The following PIWIL1 variants were observed in gnomAD, a reference collection of about 807,000 sequenced individuals.
The protein encoded by PIWIL1 is piwi-like protein 1.
A neutral mutation model predicts 114.4 loss-of-function variants in PIWIL1; 73 were observed. The ratio of observed to expected loss-of-function variants is 0.64; its 90% CI spans 0.53 to 0.78. PIWIL1 has a LOEUF of 0.78. Among genes scored for constraint, PIWIL1 ranks in the 30% least tolerant of loss-of-function variants. The pLI, the probability that PIWIL1 is intolerant of heterozygous loss-of-function variation, is 0.00. For missense variants in PIWIL1, 723 were observed against 1,063.1 expected (o/e 0.68, Z 4.45); for synonymous variants, 375 against 369.0 (o/e 1.02, Z -0.19).
At chr12:130,368,384 T>C (rs542860986) in intron 19 of PIWIL1, among the ~76,000 whole-genome samples, 1 of 152,176 alleles carries the variant, frequency 6.6e-6, no homozygotes, top group Non-Finnish European at 1.5e-5. Flanking sequence ...ATAGCGACTT[T>C]AGGTGGAAAA....
the PIWIL1 span, chr12:130,406,295 G>A: frequency 7.9e-7 from 1 of 1,260,472 alleles, no homozygotes; most frequent in Non-Finnish European, 1.1e-6. Flanking sequence ...AACAGTAGTA[G>A]TTTTTTAAAA....
intron 18 of PIWIL1, among the ~76,000 whole-genome samples, chr12:130,365,347 T>C (rs1277155717): frequency 6.6e-6 from 1 of 152,214 alleles, no homozygotes; most frequent in African/African-American, 2.4e-5. Flanking sequence ...AACTGAGGCA[T>C]TGCAAGGCGT....
At chr12:130,414,282 G>A in the PIWIL1 span, 1 of 1,603,616 alleles carries the variant, frequency 6.2e-7, no homozygotes, top group South Asian at 1.1e-5. Flanking sequence ...GAAGTCTGGA[G>A]AAAGGCGGTC....
intron 12 of PIWIL1, 46 bp from the exon 13 acceptor site, chr12:130,356,872 T>G: frequency 7.1e-7 from 1 of 1,406,162 alleles, no homozygotes; most frequent in Non-Finnish European, 9.8e-7. Context: ...GCTTGATCAC[T>G]GAGAACTTAC....
the PIWIL1 span, among the ~76,000 whole-genome samples, chr12:130,394,044 A>G: frequency 6.6e-6 from 1 of 152,206 alleles, no homozygotes; most frequent in South Asian, 2.1e-4. Flanking sequence ...AAGGTAGAGA[A>G]GGCCCCTACC....
At chr12:130,362,273 T>C (rs1206332162) in intron 16 of PIWIL1, among the ~76,000 whole-genome samples, 1 of 152,202 alleles carries the variant, frequency 6.6e-6, no homozygotes, top group Non-Finnish European at 1.5e-5. Context: ...CTTCTTTGCG[T>C]CCATGAGTTC....
At chr12:130,394,989 G>A in the PIWIL1 span, among the ~76,000 whole-genome samples, 1 of 152,132 alleles carries the variant, frequency 6.6e-6, no homozygotes, top group Non-Finnish European at 1.5e-5. Context: ...ATTCTGAATC[G>A]AAAGAATCAC....
Position 130,354,931 on chromosome 12 carries a change from C to T in PIWIL1, c.1215C>T (p.Asp405=). 6.2e-7 allele frequency: 1 copy of T among 1,613,936 alleles called. No individual in the cohort carries two copies. The highest frequency in any genetic ancestry group is 1.1e-5 in the South Asian group (1 of 91,070). The change falls in exon 11 of 21, where the codon GAC becomes GAT. Residue 405 remains aspartate, a synonymous_variant. Transcript: ENST00000245255. ...KMRNDFNVMK[D]LAVHTRLTPE... ...GTAATGATTTTAACGTGATGAAAGACTTAGCCGTTCATACAAGACTAACTC... is the reference window on the plus strand; with the variant it reads ...GTAATGATTTTAACGTGATGAAAGATTTAGCCGTTCATACAAGACTAACTC...
chr12:130,371,027 G>A, intron 19 of PIWIL1, 149 bp from the exon 20 acceptor site: 1 of 668,894 alleles, frequency 1.5e-6, no homozygotes, highest in Non-Finnish European at 2.6e-6. Flanking sequence ...CAGGCTCCTG[G>A]ACTTCAAGGA....
At chr12:130,370,509 A>T (rs2073789522) in intron 19 of PIWIL1, among the ~76,000 whole-genome samples, 1 of 152,226 alleles carries the variant, frequency 6.6e-6, no homozygotes, top group African/African-American at 2.4e-5. Flanking sequence ...TAGAAAGACA[A>T]CATCATTTTA....
the PIWIL1 span, among the ~76,000 whole-genome samples, chr12:130,418,970 G>A: frequency 6.6e-6 from 1 of 152,196 alleles, no homozygotes; most frequent in African/African-American, 2.4e-5. Flanking sequence ...GTTTTGGGGG[G>A]AAGACAGGTG....
the PIWIL1 span, chr12:130,406,127 A>T: frequency 1.6e-6 from 2 of 1,239,384 alleles, no homozygotes; most frequent in Non-Finnish European, 1.2e-6. Context: ...AAATAAATGA[A>T]AATACAAAAA....
chr12:130,385,887 T>C, the PIWIL1 span, among the ~76,000 whole-genome samples: 1 of 152,208 alleles, frequency 6.6e-6, no homozygotes, highest in Non-Finnish European at 1.5e-5. Flanking sequence ...ATGCTCTTTT[T>C]ACCAGGTGAC....
chr12:130,388,166 TG>T, the PIWIL1 span, among the ~76,000 whole-genome samples: 7 of 152,282 alleles, frequency 4.6e-5, no homozygotes, highest in South Asian at 6.2e-4. Flanking sequence ...CAGGCTGAAC[TG>T]CAATGGCACA....
Position 130,372,082 on chromosome 12 carries a change from C to T in PIWIL1, c.*484C>T, listed in dbSNP as rs2073828676. 6.6e-6 allele frequency: 1 copy of T among 152,604 alleles called. No individual in the cohort carries two copies. The highest frequency in any genetic ancestry group is 6.5e-5 in the Admixed American group (1 of 15,298). 9.5% of individuals were successfully genotyped at this position (152,604 alleles called of 1,614,324 possible). A position where few individuals can be genotyped will look rare whatever the true frequency, so the allele number is the denominator to read the frequency against. On this transcript the variant is annotated 3_prime_UTR_variant, in exon 21 of 21. Transcript: ENST00000245255. ...GCTCATATCTTAAAGATAAAAGGTACTATTATATAACCTATACACAAGATA... is the reference window on the plus strand; with the variant it reads ...GCTCATATCTTAAAGATAAAAGGTATTATTATATAACCTATACACAAGATA...
At chr12:130,380,989 G>A in the PIWIL1 span, among the ~76,000 whole-genome samples, 1 of 152,104 alleles carries the variant, frequency 6.6e-6, no homozygotes, top group Non-Finnish European at 1.5e-5. Flanking sequence ...GTTAAATTGA[G>A]TAGAAGGTAG....
At chr12:130,392,077 G>A in the PIWIL1 span, among the ~76,000 whole-genome samples, 5,033 of 86,772 alleles carry the variant, frequency 0.058, 166 homozygotes, top group Middle Eastern at 0.11. Context: ...CCGTCATCAC[G>A]TGGATGCATC....
rs192810910 is a variant in PIWIL1, at chr12:130,348,374, C to G, written c.734+191C>G. Among the ~76,000 whole-genome samples the G allele has an allele frequency of 2.4e-3, 365 of 152,308 alleles. 3 individuals carry two copies. Among genetic ancestry groups the G allele is most frequent in the African/African-American group, 8.3e-3 (347 of 41,566 alleles). The stretch of plus-strand genomic sequence containing the variant: ...GATTTTTAAAAAATCACGTAATTTA[C>G]CTGTCACTAGGGAAGAATACATAGT... On this transcript the variant is annotated intron_variant, in intron 7 of 20. Coordinates refer to ENST00000245255, the MANE Select transcript of PIWIL1 (RefSeq NM_004764.5).
At position 130,372,267 on chromosome 12, in the gene PIWIL1, G is replaced by A. The variant is rs1022363769; in HGVS notation, c.*669G>A. Reference sequence around the variant, plus strand: ...CTATATTAACATTACTATTTATTTTGTTTTGGAACTGGGACATGATTCTAT... The same window carrying A: ...CTATATTAACATTACTATTTATTTTATTTTGGAACTGGGACATGATTCTAT... On this transcript the variant is annotated 3_prime_UTR_variant, in exon 21 of 21. Transcript: ENST00000245255. 7 of 152,032 alleles carry A rather than the reference G, an allele frequency of 4.6e-5. No individual in the cohort carries two copies. The highest frequency in any genetic ancestry group is 7.4e-5 in the Non-Finnish European group (5 of 67,968). 9.4% of individuals were successfully genotyped at this position (152,032 alleles called of 1,614,324 possible).
Sources: gnomAD v4.1 joint callset for allele counts (sites outside exome capture counted in the v4.1 genomes callset) on GRCh38, gnomAD v4.1.1 for gene constraint, MANE v1.5 for transcripts, NCBI Gene and HGNC (gene_info 2026-07-23, HGNC 2026-07-21) for gene names.